The following GUCY1A2 variants were observed in gnomAD, a reference collection of about 807,000 sequenced individuals.
GUCY1A2 encodes the protein guanylate cyclase 1 soluble subunit alpha 2.
In GUCY1A2, 27 loss-of-function variants were observed where a neutral mutation model predicts 63.5. The ratio of observed to expected loss-of-function variants is 0.43; its 90% CI spans 0.31 to 0.59. GUCY1A2 has a LOEUF of 0.59. GUCY1A2 is among the 20% of genes least tolerant of loss of function. GUCY1A2 has a pLI of 0.11. For missense variants in GUCY1A2, 768 were observed against 913.3 expected, an observed-to-expected ratio of 0.84 and a Z score of 2.05; for synonymous variants, 364 against 343.5, an observed-to-expected ratio of 1.06 and a Z score of -0.66.
At chr11:107,010,656 A>C (rs1315481201) in intron 1 of GUCY1A2, among the ~76,000 whole-genome samples, 1 of 152,228 alleles carries the variant, frequency 6.6e-6, no homozygotes, top group Non-Finnish European at 1.5e-5. Context: ...ACCACCAAAA[A>C]AAAATTAAAC....
At position 106,986,087 on chromosome 11, in the gene GUCY1A2, A is replaced by G. The variant is rs753470216; in HGVS notation, c.348T>C (p.Tyr116=). Residue 116 remains tyrosine, a synonymous_variant, in exon 2 of 8, where the codon TAT becomes TAC. Transcript: ENST00000526355. ...TTACTTACCCAATAACTTGATGTTC[A>G]TAATACTGCAGTGTCCTCTTGAGAG... ...QQTLKRTLQY[Y]EHQVIGYRDA... is the part of the protein sequence containing the mutation. The G allele has an allele frequency of 6.7e-6, 10 of 1,485,638 alleles. No individual in the cohort carries two copies. The African/African-American group carries it at 1.4e-4, about 21-fold the overall frequency. 92.0% of individuals were successfully genotyped at this position (1,485,638 alleles called of 1,614,324 possible). A position where few individuals can be genotyped will look rare whatever the true frequency, so the allele number is the denominator to read the frequency against.
chr11:106,683,552 C>T lies in GUCY1A2; in HGVS notation c.*3997G>A, dbSNP rs763774175. The T allele has an allele frequency of 6.6e-5, 15 of 228,046 alleles. No individual in the cohort carries two copies. The highest frequency in any genetic ancestry group is 1.1e-4 in the Admixed American group (2 of 17,590). 14.1% of individuals were successfully genotyped at this position (228,046 alleles called of 1,614,324 possible). On this transcript the variant is annotated 3_prime_UTR_variant, in exon 8 of 8. Coordinates refer to ENST00000526355, the MANE Select transcript of GUCY1A2 (RefSeq NM_000855.3). ...CTGACTGTGTGTGGTCCTTCCTATC[C>T]GCCTGAATGAGGCACCAGCAACCCT...
At chr11:106,954,527 C>T (rs764391547) in intron 3 of GUCY1A2, among the ~76,000 whole-genome samples, 1 of 152,170 alleles carries the variant, frequency 6.6e-6, no homozygotes, top group Non-Finnish European at 1.5e-5. Flanking sequence ...ACTAGGTCCA[C>T]GTGATCCAGA....
In GUCY1A2 at chr11:106,687,639, T is replaced by C. The variant is rs1862550750; in HGVS notation, c.2109A>G (p.Pro703=). The part of the protein sequence containing the change: ...ICYFLEVRTG[P]KPPKPSLSSS... ...AAGAAAGAGAAGGCTTTGGTGGCTT[T>C]GGACCAGTCCTTACCTCCAGGAAAT... is the stretch of plus-strand genomic sequence containing the variant. The change falls in exon 8 of 8, where the codon CCA becomes CCG. Residue 703 remains proline, a synonymous_variant. Transcript: ENST00000526355. 1.2e-6 allele frequency: 2 copies of C among 1,613,884 alleles called. No individual in the cohort carries two copies. The highest frequency in any genetic ancestry group is 1.7e-6 in the Non-Finnish European group (2 of 1,179,880).
intron 4 of GUCY1A2, among the ~76,000 whole-genome samples, chr11:106,858,721 T>TC: frequency 6.6e-6 from 1 of 152,216 alleles, no homozygotes; most frequent in African/African-American, 2.4e-5. Flanking sequence ...TTTGTTGGTA[T>TC]CAAATATTGT....
chr11:106,769,502 CAT>C (rs1864218768), intron 6 of GUCY1A2, among the ~76,000 whole-genome samples: 2 of 152,232 alleles, frequency 1.3e-5, no homozygotes, highest in Non-Finnish European at 1.5e-5. Flanking sequence ...AGAAGAGACT[CAT>C]AACTTTGCTG....
At chr11:106,843,839 T>C (rs1859233780) in intron 4 of GUCY1A2, among the ~76,000 whole-genome samples, 1 of 151,912 alleles carries the variant, frequency 6.6e-6, no homozygotes, top group South Asian at 2.1e-4. Flanking sequence ...TTATTTTTAA[T>C]GTCACATTAC....
At chr11:106,802,296 A>G (rs1858615560) in intron 5 of GUCY1A2, among the ~76,000 whole-genome samples, 1 of 152,174 alleles carries the variant, frequency 6.6e-6, no homozygotes, top group African/African-American at 2.4e-5. Flanking sequence ...TGGTAGTGGC[A>G]AAGATAAATG....
At chr11:106,945,987 C>A (rs966847554) in intron 3 of GUCY1A2, among the ~76,000 whole-genome samples, 2 of 151,928 alleles carry the variant, frequency 1.3e-5, no homozygotes, top group African/African-American at 4.8e-5. Flanking sequence ...AACAAACAAA[C>A]AAAAAAGCTA....
chr11:106,794,463 A>C (rs1194174837), intron 5 of GUCY1A2, among the ~76,000 whole-genome samples: 1 of 149,972 alleles, frequency 6.7e-6, no homozygotes. Flanking sequence ...TTTATACTTG[A>C]AATCTGCTGA....
At chr11:106,892,501 T>A (rs1055742516) in intron 4 of GUCY1A2, among the ~76,000 whole-genome samples, 1 of 152,132 alleles carries the variant, frequency 6.6e-6, no homozygotes, top group African/African-American at 2.4e-5. Flanking sequence ...CCCAAAAACT[T>A]GCCAGTGTCC....
At position 106,678,077 on chromosome 11, in the gene GUCY1A2, A is replaced by G. The variant is rs1415252609; in HGVS notation, c.*9472T>C. ...AAGAAGAATAGTAATTTGGGCTGCC[A>G]TCCATTAATAATAATTTTTACACAG... On this transcript the variant is annotated 3_prime_UTR_variant, in exon 8 of 8. Transcript: ENST00000526355. 5.0e-6 allele frequency: 1 copy of G among 201,070 alleles called. No homozygotes were observed. The highest frequency in any genetic ancestry group is 2.3e-5 in the African/African-American group (1 of 43,556). 12.5% of individuals were successfully genotyped at this position (201,070 alleles called of 1,614,324 possible). A position where few individuals can be genotyped will look rare whatever the true frequency, so the allele number is the denominator to read the frequency against.
At chr11:106,862,252 G>A (rs1469723191) in intron 4 of GUCY1A2, among the ~76,000 whole-genome samples, 3 of 151,888 alleles carry the variant, frequency 2.0e-5, no homozygotes, top group Non-Finnish European at 4.4e-5. Flanking sequence ...CCTCAAACAA[G>A]TTCCTAAGTT....
intron 6 of GUCY1A2, among the ~76,000 whole-genome samples, chr11:106,736,237 G>A (rs1863587379): frequency 6.6e-6 from 1 of 151,944 alleles, no homozygotes. Flanking sequence ...TTTCTACAAT[G>A]GTTCCTTTTA....
intron 4 of GUCY1A2, among the ~76,000 whole-genome samples, chr11:106,840,354 G>A (rs896659408): frequency 2.6e-5 from 4 of 151,874 alleles, no homozygotes; most frequent in South Asian, 2.1e-4. Flanking sequence ...CTTATGATGG[G>A]TTTTGACAAT....
chr11:106,815,067 AC>A (rs1858813176), intron 4 of GUCY1A2, among the ~76,000 whole-genome samples: 1 of 152,096 alleles, frequency 6.6e-6, no homozygotes, highest in Non-Finnish European at 1.5e-5. Flanking sequence ...ATTTTAAAAC[AC>A]AAAATCTCAG....
At chr11:106,757,684 G>A (rs550282972) in intron 6 of GUCY1A2, among the ~76,000 whole-genome samples, 1 of 152,192 alleles carries the variant, frequency 6.6e-6, no homozygotes, top group Admixed American at 6.5e-5. Context: ...AGCGGAGGCT[G>A]CAGAACAGCA....
intron 7 of GUCY1A2, among the ~76,000 whole-genome samples, chr11:106,689,733 G>A (rs1250920695): frequency 6.6e-6 from 1 of 152,170 alleles, no homozygotes; most frequent in Admixed American, 6.5e-5. Flanking sequence ...GCTCACGCCT[G>A]TAATCCCAGC....
At chr11:106,858,720 A>G (rs1450454916) in intron 4 of GUCY1A2, among the ~76,000 whole-genome samples, 2 of 152,118 alleles carry the variant, frequency 1.3e-5, no homozygotes, top group Non-Finnish European at 2.9e-5. Flanking sequence ...CTTTGTTGGT[A>G]TCAAATATTG....
Sources: allele counts gnomAD v4.1 joint callset (sites outside exome capture counted in the v4.1 genomes callset), GRCh38; gene constraint gnomAD v4.1.1; transcripts MANE v1.5; gene names NCBI Gene and HGNC (gene_info 2026-07-23, HGNC 2026-07-21).